KIAA1755: variants seen among roughly 807,000 people sequenced by gnomAD.
KIAA1755 encodes uncharacterized protein KIAA1755.
KIAA1755 carries 68 observed loss-of-function variants against 91.7 expected under a neutral mutation model. That is an observed-to-expected ratio of 0.74 (90% CI 0.61 to 0.91). The LOEUF is 0.91. KIAA1755 is among the 40% of genes least tolerant of loss of function. KIAA1755 has a pLI of 0.00. For missense variants in KIAA1755, 1,535 were observed against 1,494.4 expected (o/e 1.03, Z -0.45); for synonymous variants, 610 against 604.6 (o/e 1.01, Z -0.13).
chr20:38,259,548 A>G (rs2076402428), intron 1 of KIAA1755, among the ~76,000 whole-genome samples: 1 of 146,846 alleles, frequency 6.8e-6, no homozygotes, highest in African/African-American at 2.6e-5. Context: ...AGAGAGAGAG[A>G]GTATGAACAC....
chr20:38,249,360 C>A (rs1238552248), intron 1 of KIAA1755, among the ~76,000 whole-genome samples: 4 of 152,152 alleles, frequency 2.6e-5, no homozygotes, highest in African/African-American at 9.7e-5. Flanking sequence ...AAATAAGGAC[C>A]CCACTCAAAG....
intron 1 of KIAA1755, among the ~76,000 whole-genome samples, chr20:38,257,894 T>C (rs1037573182): frequency 1.3e-5 from 2 of 151,210 alleles, no homozygotes; most frequent in South Asian, 4.2e-4. Context: ...CATATTTTTA[T>C]AGTTACTTTT....
intron 4 of KIAA1755, among the ~76,000 whole-genome samples, chr20:38,237,552 A>G (rs959379768): frequency 6.6e-6 from 1 of 151,916 alleles, no homozygotes; most frequent in Non-Finnish European, 1.5e-5. Context: ...GGATGTGAGG[A>G]TGTGACAGAA....
At chr20:38,242,066 T>C (rs2076079362) in intron 2 of KIAA1755, 137 bp from the exon 3 acceptor site, 1 of 852,708 alleles carries the variant, frequency 1.2e-6, no homozygotes, top group South Asian at 1.7e-5. Context: ...AGGCACTCAC[T>C]GTCAAGGTTG....
chr20:38,234,020 G>C (rs1224742852), intron 4 of KIAA1755, among the ~76,000 whole-genome samples: 1 of 152,106 alleles, frequency 6.6e-6, no homozygotes, highest in Non-Finnish European at 1.5e-5. Flanking sequence ...GAAGATACAG[G>C]GAGAAGATGG....
intron 5 of KIAA1755, among the ~76,000 whole-genome samples, chr20:38,229,078 C>G (rs541538666): frequency 3.3e-5 from 5 of 152,168 alleles, no homozygotes; most frequent in Admixed American, 6.5e-5. Context: ...TTCCAAGCAC[C>G]CTCGGCCAGT....
At chr20:38,220,031 G>T (rs1014879063) in intron 10 of KIAA1755, among the ~76,000 whole-genome samples, 1 of 152,216 alleles carries the variant, frequency 6.6e-6, no homozygotes, top group Non-Finnish European at 1.5e-5. Context: ...ACAGATCTGG[G>T]TTCAAAGCCC....
At position 38,239,657 on chromosome 20, in the gene KIAA1755, C is replaced by G. The variant is rs1428610184; in HGVS notation, c.1618G>C (p.Ala540Pro). 2 of 1,606,756 alleles carry G rather than the reference C, an allele frequency of 1.2e-6. No individual in the cohort carries two copies. Among genetic ancestry groups the G allele is most frequent in the South Asian group, 2.2e-5 (2 of 90,010 alleles). ...GAGCCTGCAGAAGCTTCTGGCAAGG[C>G]AGCCTTTTCCTCAGTCAGTGGGCTG... is the stretch of plus-strand genomic sequence containing the variant. ...APSPLTEEKAALPEASAGSPE... is the reference protein window; with the variant it reads ...APSPLTEEKAPLPEASAGSPE... Residue 540 changes from alanine to proline, a missense_variant, in exon 4 of 14, where the codon GCC becomes CCC. Coordinates refer to ENST00000279024, the MANE Select transcript of KIAA1755 (RefSeq NM_001029864.2).
rs767412779 is a variant in KIAA1755, at chr20:38,241,484, T to C, written c.647A>G (p.Glu216Gly). The change falls in exon 3 of 14, where the codon GAG (glutamate) becomes GGG (glycine). Residue 216 changes from glutamate to glycine, a missense_variant. Coordinates refer to ENST00000279024, the MANE Select transcript of KIAA1755 (RefSeq NM_001029864.2). The part of the protein sequence containing the change: ...LEALDLSSPQ[E>G]LHQASSPDNQ... ...GTCTGGGGAGCTGGCCTGGTGCAAC[T>C]CTTGAGGGCTGCTCAAATCCAGTGC... 2 of 1,614,168 alleles carry C rather than the reference T, an allele frequency of 1.2e-6. No homozygotes were observed. Among genetic ancestry groups the C allele is most frequent in the South Asian group, 2.2e-5 (2 of 91,082 alleles).
Position 38,213,248 on chromosome 20 carries a change from C to G in KIAA1755, c.3397G>C (p.Ala1133Pro), listed in dbSNP as rs1234320271. 1 of 1,613,446 alleles carries G rather than the reference C, an allele frequency of 6.2e-7. No homozygotes were observed. Among genetic ancestry groups the G allele is most frequent in the Non-Finnish European group, 8.5e-7 (1 of 1,180,002 alleles). Reference protein sequence around the residue: ...AGSPPQEAGQAAEAEDGKGSH... With the variant: ...AGSPPQEAGQPAEAEDGKGSH... ...CCTTTGCCGTCTTCAGCCTCTGCAG[C>G]CTGGCCAGCTTCCTGGGGTGGAGAG... Residue 1133 changes from alanine to proline, a missense_variant, in exon 14 of 14, where the codon GCT becomes CCT. Transcript: ENST00000279024.
At chr20:38,237,956 A>G (rs148288854) in intron 4 of KIAA1755, among the ~76,000 whole-genome samples, 31 of 152,304 alleles carry the variant, frequency 2.0e-4, no homozygotes, top group African/African-American at 7.0e-4. Flanking sequence ...CACATGCTAC[A>G]CATCAGGCAT....
chr20:38,253,743 C>T (rs566148415), intron 1 of KIAA1755, among the ~76,000 whole-genome samples: 3 of 152,252 alleles, frequency 2.0e-5, no homozygotes, highest in South Asian at 2.1e-4. Flanking sequence ...CCAAACATTC[C>T]GTAACCAGCT....
chr20:38,237,042 C>T (rs1053451687), intron 4 of KIAA1755: 2 of 151,884 alleles, frequency 1.3e-5, no homozygotes, highest in African/African-American at 2.4e-5. Flanking sequence ...ATGGACAATT[C>T]ATCCATACTA....
chr20:38,217,776 A>T (rs2075577283), intron 12 of KIAA1755: 2 of 515,724 alleles, frequency 3.9e-6, no homozygotes, highest in African/African-American at 3.8e-5. Context: ...TCTGACTCCA[A>T]AGGCTCCTGC....
intron 1 of KIAA1755, among the ~76,000 whole-genome samples, chr20:38,248,685 TTA>T (rs1568775220): frequency 1.1e-3 from 32 of 29,510 alleles, no homozygotes; most frequent in African/African-American, 3.8e-3. Flanking sequence ...CTTCTCTTTA[TTA>T]TTATTATTAT....
intron 8 of KIAA1755, 58 bp downstream of exon 8, chr20:38,225,607 G>T: frequency 9.6e-7 from 1 of 1,036,374 alleles, no homozygotes; most frequent in Non-Finnish European, 1.5e-6. Context: ...GGACAGAAGA[G>T]TGAAGAGAAG....
intron 9 of KIAA1755, chr20:38,222,980 A>C: frequency 2.0e-5 from 6 of 298,746 alleles, no homozygotes; most frequent in South Asian, 6.3e-5. Context: ...TCCCAGCCCA[A>C]CTCTTCCTTG....
intron 1 of KIAA1755, among the ~76,000 whole-genome samples, chr20:38,248,571 G>A (rs921475722): frequency 7.9e-5 from 12 of 152,122 alleles, no homozygotes; most frequent in Admixed American, 3.3e-4. Context: ...TTGGGGCCTC[G>A]GTGTCTGCAC....
chr20:38,254,298 C>A (rs189537905), intron 1 of KIAA1755, among the ~76,000 whole-genome samples: 12 of 152,214 alleles, frequency 7.9e-5, no homozygotes, highest in African/African-American at 2.4e-4. Context: ...CTGAGAAAAG[C>A]CAAAATGGAC....
Sources: gnomAD v4.1 joint callset for allele counts (sites outside exome capture counted in the v4.1 genomes callset) on GRCh38, gnomAD v4.1.1 for gene constraint, MANE v1.5 for transcripts, NCBI Gene and HGNC (gene_info 2026-07-23, HGNC 2026-07-21) for gene names.